B3GLCT: variants seen among roughly 807,000 people sequenced by gnomAD.
The protein encoded by B3GLCT is beta-1,3-glucosyltransferase.
B3GLCT carries 65 observed loss-of-function variants against 63.4 expected under a neutral mutation model. The ratio of observed to expected loss-of-function variants is 1.03; its 90% confidence interval spans 0.84 to 1.26. The LOEUF is 1.26. Ranked by LOEUF, B3GLCT falls within the 50% of genes most tolerant of loss-of-function variation. The pLI is 0.00. For missense variants in B3GLCT, 577 were observed against 604.8 expected (o/e 0.95, Z 0.48); for synonymous variants, 233 against 219.2 (o/e 1.06, Z -0.55).
At chr13:31,325,085 C>G (rs538924505) in intron 14 of B3GLCT, among the ~76,000 whole-genome samples, 1 of 152,274 alleles carries the variant, frequency 6.6e-6, no homozygotes, top group South Asian at 2.1e-4. Flanking sequence ...AAATAGTATA[C>G]TATAGAAAAC....
Position 31,276,789 on chromosome 13 carries a change from C to G in B3GLCT, c.850+18C>G, listed in dbSNP as rs757958058. ...TGACAGAAGTATGTTTTGGGTTATT[C>G]ATTTTATTGAACGCTAAAATCCAGA... On this transcript the variant is annotated intron_variant, in intron 10 of 14. Transcript: ENST00000343307. 5 of 1,580,466 alleles carry G rather than the reference C, an allele frequency of 3.2e-6. No homozygotes were observed. In the East Asian group the frequency reaches 1.1e-4, roughly 35 times the overall value.
At chr13:31,222,876 A>G (rs1869888767) in intron 2 of B3GLCT, 76 bp from the exon 3 acceptor site, 3 of 960,322 alleles carry the variant, frequency 3.1e-6, no homozygotes, top group Middle Eastern at 2.1e-4. Context: ...ACCATGCACC[A>G]TGCATGTTTA....
chr13:31,237,575 G>A (rs923938398), intron 4 of B3GLCT, among the ~76,000 whole-genome samples: 2 of 152,120 alleles, frequency 1.3e-5, no homozygotes, highest in East Asian at 1.9e-4. Flanking sequence ...GGCTTCTCTC[G>A]AACTCCTGAC....
intron 6 of B3GLCT, among the ~76,000 whole-genome samples, chr13:31,249,336 A>G (rs190556423): frequency 6.6e-6 from 1 of 152,346 alleles, no homozygotes; most frequent in East Asian, 1.9e-4. Context: ...TCATTGGGTT[A>G]AAAAAATAAT....
At chr13:31,227,802 T>A (rs1870173586) in intron 3 of B3GLCT, among the ~76,000 whole-genome samples, 1 of 152,226 alleles carries the variant, frequency 6.6e-6, no homozygotes. Context: ...TTAGGTTCTC[T>A]GAGCTGAGGT....
At chr13:31,296,579 G>C (rs1365839384) in intron 12 of B3GLCT, among the ~76,000 whole-genome samples, 2 of 152,062 alleles carry the variant, frequency 1.3e-5, no homozygotes, top group African/African-American at 4.8e-5. Flanking sequence ...AATTTGGGGG[G>C]AACACAAACA....
At chr13:31,226,582 C>T (rs1870114047) in intron 3 of B3GLCT, among the ~76,000 whole-genome samples, 1 of 151,974 alleles carries the variant, frequency 6.6e-6, no homozygotes, top group African/African-American at 2.4e-5. Context: ...GCGGTGAGCG[C>T]AGGATTAAGC....
At chr13:31,281,071 C>A (rs538665346) in intron 10 of B3GLCT, among the ~76,000 whole-genome samples, 3 of 152,256 alleles carry the variant, frequency 2.0e-5, no homozygotes, top group South Asian at 4.1e-4. Context: ...TAAGAATTTT[C>A]TTTGCATCAT....
intron 4 of B3GLCT, among the ~76,000 whole-genome samples, chr13:31,238,888 C>A (rs142301851): frequency 6.6e-6 from 1 of 152,122 alleles, no homozygotes; most frequent in Non-Finnish European, 1.5e-5. Context: ...TTGAGAATGA[C>A]GATAACGTGT....
chr13:31,321,229 A>G (rs878920133), intron 13 of B3GLCT, among the ~76,000 whole-genome samples: 1 of 152,276 alleles, frequency 6.6e-6, no homozygotes, highest in Non-Finnish European at 1.5e-5. Context: ...GCGCTTTTAC[A>G]AAGATGCAGG....
At chr13:31,304,531 G>A (rs1264824677) in intron 12 of B3GLCT, among the ~76,000 whole-genome samples, 1 of 64,702 alleles carries the variant, frequency 1.5e-5, no homozygotes. Context: ...TGCAATCCTA[G>A]TCTCTGATAA....
intron 4 of B3GLCT, among the ~76,000 whole-genome samples, chr13:31,240,612 T>TA (rs1487753949): frequency 6.6e-6 from 1 of 152,104 alleles, no homozygotes; most frequent in Non-Finnish European, 1.5e-5. Context: ...AATTTTTTTT[T>TA]ATTCACAGGG....
At chr13:31,208,051 C>T (rs1049232510) in intron 1 of B3GLCT, among the ~76,000 whole-genome samples, 3 of 151,870 alleles carry the variant, frequency 2.0e-5, no homozygotes, top group Non-Finnish European at 2.9e-5. Flanking sequence ...TGGCAGCGCT[C>T]GGATTTGAAC....
chr13:31,221,745 A>G (rs369250554), intron 2 of B3GLCT, among the ~76,000 whole-genome samples: 11 of 152,250 alleles, frequency 7.2e-5, no homozygotes, highest in African/African-American at 2.4e-4. Context: ...GCCGCTCCCA[A>G]TTTTGTTGGT....
chr13:31,317,796 T>C (rs1875127951), intron 13 of B3GLCT, 111 bp downstream of exon 13: 1 of 1,310,178 alleles, frequency 7.6e-7, no homozygotes, highest in African/African-American at 1.5e-5. Flanking sequence ...ACTCTGTGAA[T>C]GGTGGTTGTT....
chr13:31,209,408 G>A (rs538414702), intron 1 of B3GLCT, among the ~76,000 whole-genome samples: 3 of 152,356 alleles, frequency 2.0e-5, no homozygotes, highest in East Asian at 1.9e-4. Context: ...AAGCTCCACG[G>A]AGAGGCAGCT....
Position 31,261,058 on chromosome 13 carries a change from C to T in B3GLCT, c.572C>T (p.Ala191Val), listed in dbSNP as rs936498885. ...FKYPDFAAGW[A>V]LSIPLVNKLT... ...TATCCAGACTTTGCTGCAGGCTGGG[C>T]CTTAAGTATTCCACTTGTAAACAAG... Residue 191 changes from alanine (A) to valine (V), a missense_variant, in exon 7 of 15, where the codon GCC becomes GTC. Ala to Val is a moderately conservative substitution (Grantham distance 64, BLOSUM62 0). Transcript: ENST00000343307. 1.9e-6 allele frequency: 3 copies of T among 1,613,284 alleles called. No individual in the cohort carries two copies. In the African/African-American group the frequency reaches 4.0e-5, roughly 22 times the overall value.
chr13:31,236,375 C>G (rs895474527), intron 4 of B3GLCT, among the ~76,000 whole-genome samples: 2 of 152,160 alleles, frequency 1.3e-5, no homozygotes, highest in African/African-American at 2.4e-5. Flanking sequence ...TTTAGACAGC[C>G]TGTTGAGTAG....
rs114979526 is a variant in B3GLCT, at chr13:31,311,078, T to A, written c.1065-6488T>A. 5.5e-3 allele frequency among the ~76,000 whole-genome samples: 839 copies of A among 152,332 alleles called. 12 individuals carry two copies. Among genetic ancestry groups the A allele is most frequent in the African/African-American group, 0.019 (806 of 41,568 alleles). On this transcript the variant is annotated intron_variant, in intron 12 of 14. Coordinates refer to ENST00000343307, the MANE Select transcript of B3GLCT (RefSeq NM_194318.4). ...GGCTGGTGAAGCAGCACTGAAAGAA[T>A]CTTGTGTCAACAGGAGAAGGTCAGA...
Sources: allele counts gnomAD v4.1 joint callset (sites outside exome capture counted in the v4.1 genomes callset), GRCh38; gene constraint gnomAD v4.1.1; transcripts MANE v1.5; gene names NCBI Gene and HGNC (gene_info 2026-07-23, HGNC 2026-07-21).